ZBTB20: variants seen among roughly 807,000 people sequenced by gnomAD.
The protein encoded by ZBTB20 is zinc finger and BTB domain-containing protein 20.
In ZBTB20, 9 loss-of-function variants were observed where a neutral mutation model predicts 56.9. The ratio of observed to expected loss-of-function variants is 0.16; its 90% CI spans 0.10 to 0.28. The LOEUF (loss-of-function observed/expected upper bound fraction) is 0.28, where lower values mean the gene tolerates loss of function less well. ZBTB20 is among the 10% of genes least tolerant of loss of function. The pLI, the probability that ZBTB20 is intolerant of heterozygous loss-of-function variation, is 1.00. For synonymous variants in ZBTB20, 417 were observed against 420.7 expected (o/e 0.99, Z 0.11); for missense variants, 655 against 1,003.0 (o/e 0.65, Z 4.69).
chr3:114,783,452 A>G (rs1310074594), intron 5 of ZBTB20, among the ~76,000 whole-genome samples: 1 of 152,126 alleles, frequency 6.6e-6, no homozygotes, highest in Non-Finnish European at 1.5e-5. Flanking sequence ...AAATTCCTTA[A>G]GACTAAACAT....
intron 2 of ZBTB20, among the ~76,000 whole-genome samples, chr3:115,057,032 T>C (rs1483907504): frequency 6.6e-6 from 1 of 152,084 alleles, no homozygotes; most frequent in Admixed American, 6.5e-5. Flanking sequence ...AAAAATAATC[T>C]ACATACTCTA....
intron 5 of ZBTB20, among the ~76,000 whole-genome samples, chr3:114,779,282 G>A (rs1034083733): frequency 3.9e-5 from 6 of 152,198 alleles, no homozygotes; most frequent in South Asian, 4.1e-4. Flanking sequence ...ATAATTACAG[G>A]TACTCTTTAT....
At chr3:115,107,174 C>T (rs1014684000) in intron 1 of ZBTB20, among the ~76,000 whole-genome samples, 1 of 152,162 alleles carries the variant, frequency 6.6e-6, no homozygotes, top group East Asian at 1.9e-4. Flanking sequence ...TGCCTGTAAT[C>T]TCAGCACTTT....
At chr3:114,772,613 A>G (rs1236508084) in intron 5 of ZBTB20, among the ~76,000 whole-genome samples, 1 of 152,146 alleles carries the variant, frequency 6.6e-6, no homozygotes, top group African/African-American at 2.4e-5. Flanking sequence ...TAACATATAT[A>G]TTAAAAAAAT....
chr3:114,723,411 T>C (rs1417689885), intron 5 of ZBTB20, among the ~76,000 whole-genome samples: 2 of 152,244 alleles, frequency 1.3e-5, no homozygotes, highest in East Asian at 3.8e-4. Flanking sequence ...TCAAAGGTTC[T>C]ACTTTTATTT....
intron 7 of ZBTB20, among the ~76,000 whole-genome samples, chr3:114,401,797 C>G (rs2086847649): frequency 6.6e-6 from 1 of 151,982 alleles, no homozygotes; most frequent in Non-Finnish European, 1.5e-5. Context: ...TTTGAAAAAT[C>G]ACAAAGGTAG....
intron 2 of ZBTB20, among the ~76,000 whole-genome samples, chr3:114,977,451 A>G (rs974344041): frequency 2.6e-5 from 4 of 152,194 alleles, no homozygotes; most frequent in Non-Finnish European, 4.4e-5. Context: ...GGTTCTTTCC[A>G]AAGAGTTAAA....
intron 4 of ZBTB20, among the ~76,000 whole-genome samples, chr3:114,879,010 T>A (rs1405458425): frequency 6.6e-6 from 1 of 152,216 alleles, no homozygotes; most frequent in East Asian, 1.9e-4. Flanking sequence ...GGAATTATCA[T>A]CCGTATCTGG....
At chr3:114,808,378 A>C (rs2108867281) in intron 4 of ZBTB20, among the ~76,000 whole-genome samples, 1 of 152,146 alleles carries the variant, frequency 6.6e-6, no homozygotes, top group South Asian at 2.1e-4. Flanking sequence ...GTATAGTATG[A>C]GATCAGGAAT....
intron 6 of ZBTB20, among the ~76,000 whole-genome samples, chr3:114,566,098 C>A (rs1345551643): frequency 6.6e-6 from 1 of 151,522 alleles, no homozygotes; most frequent in Middle Eastern, 3.2e-3. Context: ...TGGCACTTCC[C>A]CCCTATACTC....
At chr3:115,143,326 G>A (rs1222650116) in intron 1 of ZBTB20, among the ~76,000 whole-genome samples, 1 of 152,084 alleles carries the variant, frequency 6.6e-6, no homozygotes, top group Non-Finnish European at 1.5e-5. Flanking sequence ...CCTCTTTAAT[G>A]TCGCCTATAA....
At chr3:114,743,167 T>C (rs969462785) in intron 5 of ZBTB20, among the ~76,000 whole-genome samples, 23 of 152,172 alleles carry the variant, frequency 1.5e-4, no homozygotes, top group Admixed American at 3.3e-4. Context: ...AAGAAGACTA[T>C]GTTTATTACT....
chr3:114,813,099 C>G (rs982995836), intron 4 of ZBTB20, among the ~76,000 whole-genome samples: 1 of 152,242 alleles, frequency 6.6e-6, no homozygotes, highest in Non-Finnish European at 1.5e-5. Flanking sequence ...GAAAGGGGCT[C>G]TCACAGTGCA....
intron 5 of ZBTB20, among the ~76,000 whole-genome samples, chr3:114,764,994 C>A (rs2068685206): frequency 6.6e-6 from 1 of 152,046 alleles, no homozygotes; most frequent in Non-Finnish European, 1.5e-5. Context: ...ATTCATATTA[C>A]ATGGGAAGAA....
intron 2 of ZBTB20, among the ~76,000 whole-genome samples, chr3:115,021,993 T>G (rs1325286027): frequency 6.6e-6 from 1 of 150,778 alleles, no homozygotes; most frequent in African/African-American, 2.4e-5. Flanking sequence ...TTCTGAATAC[T>G]AGCAACATTT....
chr3:114,798,044 C>CT lies in ZBTB20; in HGVS notation c.-343+3056dup, dbSNP rs1330606763. 4.0e-5 allele frequency among the ~76,000 whole-genome samples: 6 copies of CT among 151,134 alleles called. No individual in the cohort carries two copies. The East Asian group carries it at 5.8e-4, about 15-fold the overall frequency. On this transcript the variant is annotated intron_variant, in intron 5 of 11. Coordinates refer to ENST00000675478, the MANE Select transcript of ZBTB20 (RefSeq NM_001348800.3). ...CATTTTAAAATATTAAAGCTTATTT[C>CT]TTTTTTTTTCTGACTCTGGAAAACT...
At chr3:114,758,921 A>G (rs1050008134) in intron 5 of ZBTB20, 1 of 152,056 alleles carries the variant, frequency 6.6e-6, no homozygotes, top group Admixed American at 6.6e-5. Context: ...ACATCAGTCT[A>G]TGTATTTTTT....
At chr3:114,622,725 G>C (rs1560050800) in intron 6 of ZBTB20, among the ~76,000 whole-genome samples, 1 of 152,210 alleles carries the variant, frequency 6.6e-6, no homozygotes, top group South Asian at 2.1e-4. Flanking sequence ...TTGGACAAGA[G>C]TACATGCAAC....
intron 2 of ZBTB20, among the ~76,000 whole-genome samples, chr3:114,988,250 C>G (rs1189586415): frequency 7.1e-6 from 1 of 141,322 alleles, no homozygotes; most frequent in Non-Finnish European, 1.5e-5. Flanking sequence ...TCCCTCCCCC[C>G]TCCCCCAACC....
Sources: gnomAD v4.1 joint callset for allele counts (sites outside exome capture counted in the v4.1 genomes callset) on GRCh38, gnomAD v4.1.1 for gene constraint, MANE v1.5 for transcripts, NCBI Gene and HGNC (gene_info 2026-07-23, HGNC 2026-07-21) for gene names.